The following LRP2 variants were observed in gnomAD, a reference collection of about 807,000 sequenced individuals.
LRP2 encodes LDL receptor related protein 2.
In LRP2, 172 loss-of-function variants were observed where a neutral mutation model predicts 531.0. The ratio of observed to expected loss-of-function variants is 0.32; its 90% CI spans 0.29 to 0.37. LRP2 has a LOEUF of 0.37. LRP2 is among the 10% of genes least tolerant of loss of function. The pLI is 1.00. For missense variants in LRP2, 5,167 were observed against 5,868.3 expected, an observed-to-expected ratio of 0.88 and a Z score of 3.90; for synonymous variants, 1,992 against 2,027.6, an observed-to-expected ratio of 0.98 and a Z score of 0.47.
Position 169,204,158 on chromosome 2 carries a change from A to G in LRP2, c.7829T>C (p.Leu2610Ser), listed in dbSNP as rs1235501834. 3.1e-6 allele frequency: 5 copies of G among 1,614,224 alleles called. No homozygotes were observed. The highest frequency in any genetic ancestry group is 3.4e-6 in the Non-Finnish European group (4 of 1,180,036). The change falls in exon 42 of 79, where the codon TTG becomes TCG. Residue 2610 changes from leucine to serine, a missense_variant. Leu to Ser is a moderately radical substitution (Grantham distance 145, BLOSUM62 -2). This residue lies in a region of LRP2 where 1,129 missense variants were observed against 1,362.7 expected (regional missense o/e 0.83). Transcript: ENST00000649046. ...AGCTCGGTAAATTCTTTGTGTGTACAAGTCAGTCCAGTAAATATACTGGCC... is the reference window on the plus strand; with the variant it reads ...AGCTCGGTAAATTCTTTGTGTGTACGAGTCAGTCCAGTAAATATACTGGCC... Reference protein sequence around the residue: ...LYGQYIYWTDLYTQRIYRANK... With the variant: ...LYGQYIYWTDSYTQRIYRANK...
intron 6 of LRP2, among the ~76,000 whole-genome samples, chr2:169,292,702 T>A (rs2105469770): frequency 6.6e-6 from 1 of 151,480 alleles, no homozygotes; most frequent in South Asian, 2.1e-4. Context: ...GTGGTACATG[T>A]CTGTAGTCTC....
intron 63 of LRP2, among the ~76,000 whole-genome samples, chr2:169,161,018 AC>A (rs1686566891): frequency 6.6e-6 from 1 of 152,234 alleles, no homozygotes; most frequent in Admixed American, 6.5e-5. Flanking sequence ...AGTTGAAAGC[AC>A]ATGGAGCTCA....
At position 169,137,482 on chromosome 2, in the gene LRP2, A is replaced by C. The variant is rs574415621; in HGVS notation, c.13530T>G (p.Phe4510Leu). 1.2e-6 allele frequency: 2 copies of C among 1,607,402 alleles called. No individual in the cohort carries two copies. The highest frequency in any genetic ancestry group is 4.5e-5 in the East Asian group (2 of 44,834). Residue 4510 changes from phenylalanine (F) to leucine (L), a missense_variant, in exon 76 of 79, where the codon TTT becomes TTG. This residue lies in a region of LRP2 where 348 missense variants were observed against 369.3 expected (regional missense o/e 0.94). Transcript: ENST00000649046. ...TGGGCTGCTTCCCCATTTCCATGAC[A>C]AAGTCTTCACTCTGATGGCAGAGAC... Reference protein sequence around the residue: ...IDRSMAMSEDFVMEMGKQPII... With the variant: ...IDRSMAMSEDLVMEMGKQPII...
At chr2:169,207,534 A>T (rs1688440467) in intron 38 of LRP2, among the ~76,000 whole-genome samples, 1 of 152,230 alleles carries the variant, frequency 6.6e-6, no homozygotes, top group African/African-American at 2.4e-5. Context: ...ACTGAAAGGT[A>T]TATTTTCCAG....
intron 63 of LRP2, among the ~76,000 whole-genome samples, chr2:169,158,198 A>G (rs969558078): frequency 6.6e-6 from 1 of 151,984 alleles, no homozygotes; most frequent in African/African-American, 2.4e-5. Flanking sequence ...GTACACAAGG[A>G]AAGAAATTTT....
chr2:169,290,993 G>T lies in LRP2; in HGVS notation c.774C>A (p.Ser258Arg), dbSNP rs770500133. 1 of 1,613,892 alleles carries T rather than the reference G, an allele frequency of 6.2e-7. No homozygotes were observed. The highest frequency in any genetic ancestry group is 1.3e-5 in the African/African-American group (1 of 75,034). Residue 258 changes from serine (S) to arginine (R), a missense_variant, in exon 8 of 79, where the codon AGC (serine) becomes AGA (arginine). Physicochemically the swap from Ser to Arg is moderately radical, Grantham distance 110 (BLOSUM62 -1). Around this residue, in one of 6 missense-constraint regions of LRP2, gnomAD observed 2,811 missense variants for 3,058.0 expected, o/e 0.92. Coordinates refer to ENST00000649046, the MANE Select transcript of LRP2 (RefSeq NM_004525.3). Reference protein sequence around the residue: ...KDNGDEDGCESGPHDVHKCSP... With the variant: ...KDNGDEDGCERGPHDVHKCSP... ...AACATTTATGAACATCATGAGGACC[G>T]CTTTCTGTGGGGGGAAAAAGAGAGA...
At chr2:169,350,889 G>C (rs1260705409) in intron 1 of LRP2, among the ~76,000 whole-genome samples, 1 of 152,028 alleles carries the variant, frequency 6.6e-6, no homozygotes, top group African/African-American at 2.4e-5. Context: ...CTTGACATGT[G>C]ATGTTCTTTC....
chr2:169,212,167 A>G lies in LRP2; in HGVS notation c.6081T>C (p.Asn2027=). 6.2e-7 allele frequency: 1 copy of G among 1,614,080 alleles called. No individual in the cohort carries two copies. Among genetic ancestry groups the G allele is most frequent in the Non-Finnish European group, 8.5e-7 (1 of 1,179,932 alleles). The change falls in exon 37 of 79, where the codon AAT becomes AAC. Residue 2027 remains asparagine, a synonymous_variant. Coordinates refer to ENST00000649046, the MANE Select transcript of LRP2 (RefSeq NM_004525.3). ...ESSNGCSNNM[N]ACQQICLPVP... ...CAGGCAGGCAAATCTGCTGACAGGC[A>G]TTCATGTTGTTGCTACAGCCATTTG...
chr2:169,277,808 C>T lies in LRP2; in HGVS notation c.1709G>A (p.Arg570His), dbSNP rs770867082. The change falls in exon 13 of 79, where the codon CGT (arginine) becomes CAT (histidine). Residue 570 changes from arginine (R) to histidine (H), a missense_variant. By Grantham distance (29) the Arg-to-His change is conservative (BLOSUM62 0). Coordinates refer to ENST00000649046, the MANE Select transcript of LRP2 (RefSeq NM_004525.3). ...AGVTLDMISK[R>H]VYWVDSRFDY... is the part of the protein sequence containing the mutation. ...AAACCGAGAGTCAACCCAGTAAACA[C>T]GCTTCGATATCATATCCAGAGTTAC... 1.2e-5 allele frequency: 19 copies of T among 1,614,034 alleles called. No homozygotes were observed. The South Asian group carries it at 1.2e-4, about 10-fold the overall frequency.
At chr2:169,286,777 G>T (rs1683870314) in intron 9 of LRP2, among the ~76,000 whole-genome samples, 1 of 152,140 alleles carries the variant, frequency 6.6e-6, no homozygotes, top group African/African-American at 2.4e-5. Flanking sequence ...GGACTTCATG[G>T]CCTATCAAGT....
At position 169,211,987 on chromosome 2, in the gene LRP2, C is replaced by T. The variant is rs1559019474; in HGVS notation, c.6261G>A (p.Met2087Ile). Residue 2087 changes from methionine (M) to isoleucine (I), a missense_variant, in exon 37 of 79, where the codon ATG becomes ATA. Met to Ile is a conservative substitution (Grantham distance 10). Coordinates refer to ENST00000649046, the MANE Select transcript of LRP2 (RefSeq NM_004525.3). The part of the protein sequence containing the change: ...SLELSDHSET[M>I]VPVAGQGRNA... ...GCATACCTTGGCCTGCCACCGGCAC[C>T]ATGGTTTCTGAATGATCTGACAATT... 6.2e-7 allele frequency: 1 copy of T among 1,613,966 alleles called. No homozygotes were observed. Among genetic ancestry groups the T allele is most frequent in the Non-Finnish European group, 8.5e-7 (1 of 1,179,886 alleles).
At chr2:169,279,160 G>T (rs749384437) in intron 12 of LRP2, among the ~76,000 whole-genome samples, 6 of 152,046 alleles carry the variant, frequency 3.9e-5, no homozygotes, top group Non-Finnish European at 5.9e-5. Context: ...ACCACTAGGT[G>T]TGTTTGGGTA....
intron 24 of LRP2, among the ~76,000 whole-genome samples, chr2:169,241,983 C>G (rs1689824042): frequency 1.3e-5 from 2 of 152,306 alleles, no homozygotes; most frequent in South Asian, 4.1e-4. Context: ...CACAAGGCAA[C>G]AGCAAGCCAG....
intron 1 of LRP2, among the ~76,000 whole-genome samples, chr2:169,344,734 A>T (rs1168658732): frequency 6.6e-6 from 1 of 152,198 alleles, no homozygotes; most frequent in African/African-American, 2.4e-5. Context: ...CTTATCCTAG[A>T]GTGTGTTTCA....
At chr2:169,295,514 G>A (rs1684113265) in intron 4 of LRP2, among the ~76,000 whole-genome samples, 1 of 152,122 alleles carries the variant, frequency 6.6e-6, no homozygotes, top group African/African-American at 2.4e-5. Flanking sequence ...CTCTCTACTT[G>A]CCAGACTTGG....
At position 169,244,910 on chromosome 2, in the gene LRP2, C is replaced by T. The variant is rs530329919; in HGVS notation, c.3213G>A (p.Ala1071=). Residue 1071 remains alanine (A), a synonymous_variant, in exon 22 of 79, where the codon GCG becomes GCA. Coordinates refer to ENST00000649046, the MANE Select transcript of LRP2 (RefSeq NM_004525.3). ...TGCACTCCCCATGGCCACAGGTGAA[C>T]GCCGAAGATGAACAGGTATTATCTA... ...GTLNNTCSSS[A]FTCGHGECIP... The T allele has an allele frequency of 1.2e-5, 20 of 1,614,200 alleles. No individual in the cohort carries two copies. The highest frequency in any genetic ancestry group is 9.9e-5 in the South Asian group (9 of 91,082).
chr2:169,316,484 G>A (rs796822759), intron 3 of LRP2, among the ~76,000 whole-genome samples: 6 of 152,226 alleles, frequency 3.9e-5, no homozygotes, highest in African/African-American at 1.2e-4. Flanking sequence ...GACTGATTTT[G>A]TATTTTCTGC....
In LRP2 at chr2:169,156,288, C is replaced by T. The variant is rs867978150; in HGVS notation, c.12137G>A (p.Arg4046Gln). The T allele has an allele frequency of 6.2e-7, 1 of 1,613,694 alleles. No homozygotes were observed. The highest frequency in any genetic ancestry group is 1.7e-5 in the Admixed American group (1 of 59,992). Residue 4046 changes from arginine to glutamine, a missense_variant, in exon 65 of 79, where the codon CGA becomes CAA. Transcript: ENST00000649046. Reference sequence around the variant, plus strand: ...ACCCATCATACCCTCAGCTGCACATCGTTTTCCAGGGCGGTCACTCATAGA... The same window carrying T: ...ACCCATCATACCCTCAGCTGCACATTGTTTTCCAGGGCGGTCACTCATAGA... ...FTSMSDRPGK[R>Q]CAAEGSSPLL... is the part of the protein sequence containing the mutation.
At chr2:169,284,256 C>CTCTTTTTTTTTTTTTTT (rs1553508684) in intron 9 of LRP2, among the ~76,000 whole-genome samples, 46 of 96,672 alleles carry the variant, frequency 4.8e-4, no homozygotes, top group Non-Finnish European at 6.2e-4. Context: ...TCTTTTTTTT[C>CTCTTTTTTTTTTTTTTT]TTTTTTTTTT....
Sources: allele counts gnomAD v4.1 joint callset (sites outside exome capture counted in the v4.1 genomes callset), GRCh38; gene constraint gnomAD v4.1.1; regional missense constraint gnomAD v4.1.1; transcripts MANE v1.5; gene names NCBI Gene and HGNC (gene_info 2026-07-23, HGNC 2026-07-21).